Variants in PGA5 observed in about 807,000 individuals in gnomAD.
PGA5 encodes pepsinogen A5.
In PGA5, 19 loss-of-function variants were observed where a neutral mutation model predicts 15.9. The observed-to-expected ratio is 1.19, with a 90% CI of 0.83 to 1.75. The LOEUF (loss-of-function observed/expected upper bound fraction) is 1.75. PGA5 is among the 40% of genes most tolerant of loss of function. The pLI is 0.00. For missense variants in PGA5, 224 were observed against 246.4 expected (o/e 0.91, Z 0.61); for synonymous variants, 92 against 95.8 (o/e 0.96, Z 0.23).
In PGA5 at chr11:61,251,142, G is replaced by T; in HGVS notation, c.1028G>T (p.Ser343Ile). The T allele has an allele frequency of 6.2e-7, 1 of 1,611,838 alleles. No individual in the cohort carries two copies. The highest frequency in any genetic ancestry group is 2.2e-5 in the East Asian group (1 of 44,876). ...TCTCCTTTTCTCCAGAGCGAGGGGA[G>T]CTGCATCAGTGGCTTCCAGGGCATG... The part of the protein sequence containing the change: ...PSAYILQSEG[S>I]CISGFQGMNV... Residue 343 changes from serine to isoleucine, a missense_variant, in exon 9 of 9, where the codon AGC becomes ATC. Ser to Ile is a moderately radical substitution (Grantham distance 142, BLOSUM62 -2). Transcript: ENST00000312403.
chr11:61,245,521 AGGCTC>A, intron 4 of PGA5: 1 of 3,966 alleles, frequency 2.5e-4, no homozygotes, highest in Admixed American at 8.5e-4. Context: ...GAGTCAGTAA[AGGCTC>A]ACTTCTCTAC....
At chr11:61,249,645 G>C (rs771554899) in intron 6 of PGA5, 24 bp from the exon 7 acceptor site, 2 of 1,613,626 alleles carry the variant, frequency 1.2e-6, no homozygotes, top group Admixed American at 1.7e-5. Flanking sequence ...GGCTCAGGGA[G>C]CTTAACTTGC....
intron 5 of PGA5, among the ~76,000 whole-genome samples, chr11:61,247,281 C>CTTTTTTTT (rs1173101519): frequency 7.2e-6 from 1 of 139,240 alleles, no homozygotes. Flanking sequence ...TGATTAATTT[C>CTTTTTTTT]TTTTTTTTTT....
chr11:61,249,584 G>T (rs142028759), intron 6 of PGA5, 85 bp from the exon 7 acceptor site: 2 of 1,608,860 alleles, frequency 1.2e-6, no homozygotes, highest in Non-Finnish European at 1.7e-6. Flanking sequence ...GGTGGGGAAG[G>T]AATGTCTGGG....
intron 5 of PGA5, among the ~76,000 whole-genome samples, chr11:61,246,727 G>A (rs559951493): frequency 1.3e-4 from 20 of 151,378 alleles, no homozygotes; most frequent in African/African-American, 4.9e-4. Context: ...TTGTACCACT[G>A]CATCCTAGCC....
chr11:61,248,105 C>G (rs971924201), intron 5 of PGA5: 2 of 658,830 alleles, frequency 3.0e-6, no homozygotes, highest in Non-Finnish European at 5.4e-6. Flanking sequence ...AGAGTGGGTA[C>G]CACGGTGGAA....
At chr11:61,248,226 T>A (rs1565209729) in intron 5 of PGA5, 193 bp from the exon 6 acceptor site, 1 of 1,363,994 alleles carries the variant, frequency 7.3e-7, no homozygotes, top group South Asian at 1.2e-5. Context: ...AGTGTCCTCA[T>A]GGTAAGTGGA....
In PGA5 at chr11:61,248,391, T is replaced by G. The variant is rs201425291; in HGVS notation, c.657-28T>G. 1,239 of 1,613,790 alleles carry G rather than the reference T, an allele frequency of 7.7e-4. 1 individual carries two copies. Among genetic ancestry groups the G allele is most frequent in the Non-Finnish European group, 9.2e-4 (1,090 of 1,179,864 alleles). Reference sequence around the variant, plus strand: ...CACACAAATGGACGAACAAAAAAATTCATGTCTTCTCCCCTCACTTTCCAC... The same window carrying G: ...CACACAAATGGACGAACAAAAAAATGCATGTCTTCTCCCCTCACTTTCCAC... On this transcript the variant is annotated intron_variant, in intron 5 of 8. Coordinates refer to ENST00000312403, the MANE Select transcript of PGA5 (RefSeq NM_014224.5).
intron 5 of PGA5, 92 bp downstream of exon 5, chr11:61,246,237 T>G: frequency 3.6e-6 from 1 of 279,404 alleles, no homozygotes; most frequent in Non-Finnish European, 6.9e-6. Context: ...CTGGGTGCGA[T>G]GGAGAGGGTC....
chr11:61,250,228 G>A (rs1004219218), intron 8 of PGA5, among the ~76,000 whole-genome samples: 3 of 151,304 alleles, frequency 2.0e-5, no homozygotes, highest in African/African-American at 7.4e-5. Context: ...AACAAGTGAA[G>A]CAAAGGTTAA....
intron 8 of PGA5, chr11:61,250,789 T>C: frequency 1.9e-6 from 1 of 525,588 alleles, no homozygotes; most frequent in South Asian, 1.5e-5. Flanking sequence ...CCTGATGAGA[T>C]AAGAATAATA....
intron 5 of PGA5, chr11:61,248,026 C>T (rs1445667545): frequency 1.7e-6 from 1 of 599,730 alleles, no homozygotes; most frequent in Non-Finnish European, 3.0e-6. Context: ...GAACCAGTGA[C>T]CTCCACCCTC....
intron 6 of PGA5, among the ~76,000 whole-genome samples, 185 bp downstream of exon 6, chr11:61,248,720 G>C (rs1180560349): frequency 6.6e-6 from 1 of 152,058 alleles, no homozygotes; most frequent in Non-Finnish European, 1.5e-5. Flanking sequence ...CCCTGCAGGA[G>C]GAGGGAAGAG....
Position 61,249,787 on chromosome 11 carries a change from G to T in PGA5, c.892G>T (p.Gly298Ter). The change falls in exon 7 of 9, where the codon GGA becomes TGA. Residue 298 changes from glycine to a stop codon, truncating the protein, a stop_gained. Transcript: ENST00000312403. LOFTEE classifies it high-confidence loss of function. ...SPIANIQSDI[G>*]ASENSDGDMV... ...CATTGCCAACATCCAGAGCGACATC[G>T]GAGCCAGCGAGAACTCAGATGGCGA... 2 of 1,613,620 alleles carry T rather than the reference G, an allele frequency of 1.2e-6. No individual in the cohort carries two copies. Among genetic ancestry groups the T allele is most frequent in the Non-Finnish European group, 8.5e-7 (1 of 1,179,860 alleles).
chr11:61,247,857 T>G (rs1007825505), intron 5 of PGA5, among the ~76,000 whole-genome samples: 6 of 152,000 alleles, frequency 3.9e-5, no homozygotes, highest in Non-Finnish European at 5.9e-5. Flanking sequence ...ACCACCATAA[T>G]TCCTTGCCGC....
chr11:61,250,048 T>C, intron 8 of PGA5, 34 bp downstream of exon 8: 1 of 1,601,230 alleles, frequency 6.2e-7, no homozygotes, highest in Non-Finnish European at 8.5e-7. Flanking sequence ...CTAGAGAGGT[T>C]CACACAGAAT....
chr11:61,246,813 A>G (rs1472739242), intron 5 of PGA5, among the ~76,000 whole-genome samples: 1 of 151,908 alleles, frequency 6.6e-6, no homozygotes, highest in African/African-American at 2.4e-5. Flanking sequence ...TAAAGTGACT[A>G]TACTTAGACC....
rs776081127 is a variant in PGA5, at chr11:61,250,012, C to A, written c.1015C>A (p.Gln339Lys). 9 of 1,608,078 alleles carry A rather than the reference C, an allele frequency of 5.6e-6. 1 individual carries two copies. The East Asian group carries it at 1.1e-4, about 20-fold the overall frequency. Residue 339 changes from glutamine (Q) to lysine (K), a missense_variant and splice_region_variant, in exon 8 of 9, where the codon CAG becomes AAG. Physicochemically the swap from Gln to Lys is moderately conservative, Grantham distance 53 (BLOSUM62 1). Coordinates refer to ENST00000312403, the MANE Select transcript of PGA5 (RefSeq NM_014224.5). ...YPVPPSAYIL[Q>K]SEGSCISGFQ... ...CGTGCCACCCAGTGCCTACATCCTG[C>A]AGGTGAGGAGGCTCTGGACCATCCA...
chr11:61,250,442 C>T, intron 8 of PGA5, among the ~76,000 whole-genome samples: 1 of 151,488 alleles, frequency 6.6e-6, no homozygotes, highest in Non-Finnish European at 1.5e-5. Flanking sequence ...AAGGGTTGGG[C>T]AAATGGAAAT....
Sources: allele counts gnomAD v4.1 joint callset (sites outside exome capture counted in the v4.1 genomes callset), GRCh38; gene constraint gnomAD v4.1.1; transcripts MANE v1.5; gene names NCBI Gene and HGNC (gene_info 2026-07-23, HGNC 2026-07-21).